CSAD: variants seen among roughly 807,000 people sequenced by gnomAD.
CSAD encodes the protein P-selectin cytoplasmic tail-associated protein.
CSAD carries 47 observed loss-of-function variants against 61.5 expected under a neutral mutation model. That is an observed-to-expected ratio of 0.76 (90% CI 0.60 to 0.97). The LOEUF is 0.97. CSAD is among the 50% of genes least tolerant of loss of function. CSAD has a pLI of 0.00. For synonymous variants in CSAD, 245 were observed against 252.7 expected (o/e 0.97, Z 0.29); for missense variants, 611 against 643.6 (o/e 0.95, Z 0.55).
At chr12:53,173,837 C>A (rs1180639459) in intron 2 of CSAD, 67 bp from the exon 3 acceptor site, 2 of 1,500,642 alleles carry the variant, frequency 1.3e-6, no homozygotes, top group East Asian at 4.7e-5. Flanking sequence ...GTGTTTTTTT[C>A]ATAAATTCAC....
At chr12:53,180,556 C>T in intron 1 of CSAD, 176 bp downstream of exon 1, 1 of 1,281,202 alleles carries the variant, frequency 7.8e-7, no homozygotes, top group African/African-American at 1.6e-5. Flanking sequence ...CGCACGGCGC[C>T]GCCCACTCAC....
rs1469079828 is a variant in CSAD, at chr12:53,173,490, G to A, written c.-6-14C>T. 12 of 1,614,164 alleles carry A rather than the reference G, an allele frequency of 7.4e-6. 1 individual carries two copies. In the South Asian group the frequency reaches 1.2e-4, roughly 16 times the overall value. ...AGCCATCAGGATCTGTGGCAGAGCAGAGTCATTCCCTACTCAGCCTGTCAA... is the reference window on the plus strand; with the variant it reads ...AGCCATCAGGATCTGTGGCAGAGCAAAGTCATTCCCTACTCAGCCTGTCAA... On this transcript the variant is annotated splice_polypyrimidine_tract_variant and intron_variant, in intron 3 of 16. Coordinates refer to ENST00000444623, the MANE Select transcript of CSAD (RefSeq NM_001244705.2).
intron 1 of CSAD, chr12:53,180,255 G>T (rs1237997989): frequency 2.0e-6 from 2 of 985,280 alleles, no homozygotes; most frequent in African/African-American, 3.5e-5. Context: ...AAAAAATTCG[G>T]AGAAGAACCA....
intron 9 of CSAD, 93 bp downstream of exon 9, chr12:53,170,330 C>T (rs531191037): frequency 7.0e-5 from 83 of 1,185,084 alleles, no homozygotes; most frequent in Non-Finnish European, 1.0e-4. Flanking sequence ...AGAGGTCCAC[C>T]AGCGGTAAGG....
At chr12:53,176,512 G>A (rs1941118563) in intron 2 of CSAD, among the ~76,000 whole-genome samples, 1 of 151,968 alleles carries the variant, frequency 6.6e-6, no homozygotes, top group East Asian at 1.9e-4. Context: ...GAGGTCAGGA[G>A]ATCGAGACCA....
chr12:53,160,247 G>A lies in CSAD; in HGVS notation c.1039C>T (p.Leu347=), dbSNP rs768969308. 6.2e-7 allele frequency: 1 copy of A among 1,614,242 alleles called. No homozygotes were observed. Among genetic ancestry groups the A allele is most frequent in the Non-Finnish European group, 8.5e-7 (1 of 1,180,038 alleles). ...FQQDKFYDVA[L]DTGDKVVQCG... ...TGCACCACCTTGTCTCCCGTGTCCAGAGCCACATCGTAGAACTTGTCCTGC... is the reference window on the plus strand; with the variant it reads ...TGCACCACCTTGTCTCCCGTGTCCAAAGCCACATCGTAGAACTTGTCCTGC... The change falls in exon 14 of 17, where the codon CTG becomes TTG. Residue 347 remains leucine (L), a synonymous_variant. Coordinates refer to ENST00000444623, the MANE Select transcript of CSAD (RefSeq NM_001244705.2).
At chr12:53,178,561 G>A (rs939346539) in intron 2 of CSAD, among the ~76,000 whole-genome samples, 1 of 152,128 alleles carries the variant, frequency 6.6e-6, no homozygotes, top group African/African-American at 2.4e-5. Flanking sequence ...GGAGGCCAAG[G>A]TGGGTAGATG....
intron 1 of CSAD, chr12:53,179,943 A>C: frequency 1.3e-6 from 2 of 1,579,162 alleles, no homozygotes; most frequent in South Asian, 1.1e-5. Flanking sequence ...CAGGACTCCC[A>C]TAAGACTAGT....
At chr12:53,172,166 G>C (rs1592346284) in intron 6 of CSAD, among the ~76,000 whole-genome samples, 178 bp from the exon 7 acceptor site, 2 of 152,158 alleles carry the variant, frequency 1.3e-5, no homozygotes, top group South Asian at 4.1e-4. Flanking sequence ...CAGGGGTCAG[G>C]AGGCCTGAGA....
chr12:53,164,839 C>A (rs1939703706), intron 10 of CSAD: 2 of 152,174 alleles, frequency 1.3e-5, no homozygotes, highest in East Asian at 1.9e-4. Flanking sequence ...TCTTACAACT[C>A]AGTAATAAAA....
chr12:53,172,319 A>C (rs750832118), intron 6 of CSAD, 27 bp downstream of exon 6: 22 of 1,597,548 alleles, frequency 1.4e-5, no homozygotes, highest in Non-Finnish European at 1.9e-5. Flanking sequence ...CCTTTGTGGG[A>C]TGGTAGAGGG....
At chr12:53,170,233 G>C in intron 9 of CSAD, 107 bp from the exon 10 acceptor site, 1 of 1,123,594 alleles carries the variant, frequency 8.9e-7, no homozygotes, top group East Asian at 2.4e-5. Context: ...TTCCCTCAGG[G>C]GGTGAAACAG....
At chr12:53,175,791 C>A (rs1312316314) in intron 2 of CSAD, among the ~76,000 whole-genome samples, 1 of 152,180 alleles carries the variant, frequency 6.6e-6, no homozygotes, top group Non-Finnish European at 1.5e-5. Flanking sequence ...AATAGATTTG[C>A]AAAGGGTGTT....
At position 53,158,425 on chromosome 12, in the gene CSAD, T is replaced by C. The variant is rs925170381; in HGVS notation, c.*86A>G. The C allele has an allele frequency of 8.4e-6, 12 of 1,425,066 alleles. No homozygotes were observed. Among genetic ancestry groups the C allele is most frequent in the African/African-American group, 7.1e-5 (5 of 70,124 alleles). The allele number at this position is 1,425,066 out of a possible 1,614,324, so 88.3% of individuals were successfully genotyped here. ...TGCTGGGATTACAGGCGTGAGCCAC[T>C]GCACCCGGCCTCAAAGGCTGGGAGG... On this transcript the variant is annotated 3_prime_UTR_variant, in exon 17 of 17. Coordinates refer to ENST00000444623, the MANE Select transcript of CSAD (RefSeq NM_001244705.2).
intron 10 of CSAD, among the ~76,000 whole-genome samples, chr12:53,162,505 T>C (rs1195418766): frequency 2.6e-5 from 4 of 152,030 alleles, no homozygotes; most frequent in Non-Finnish European, 5.9e-5. Flanking sequence ...GCAGCAGAGG[T>C]TGCAGTGAGC....
At position 53,158,423 on chromosome 12, in the gene CSAD, A is replaced by G. The variant is rs567994264; in HGVS notation, c.*88T>C. 6.3e-5 allele frequency: 89 copies of G among 1,408,122 alleles called. No homozygotes were observed. The African/African-American group carries it at 1.1e-3, about 17-fold the overall frequency. 87.2% of individuals were successfully genotyped at this position (1,408,122 alleles called of 1,614,324 possible). ...AGTGCTGGGATTACAGGCGTGAGCC[A>G]CTGCACCCGGCCTCAAAGGCTGGGA... On this transcript the variant is annotated 3_prime_UTR_variant, in exon 17 of 17. Coordinates refer to ENST00000444623, the MANE Select transcript of CSAD (RefSeq NM_001244705.2).
intron 2 of CSAD, among the ~76,000 whole-genome samples, chr12:53,176,342 A>G (rs1941103193): frequency 6.6e-6 from 1 of 151,354 alleles, no homozygotes. Flanking sequence ...CCCGGGAGGC[A>G]GAGGTTGCAG....
At chr12:53,165,843 G>A (rs1311088891) in intron 10 of CSAD, among the ~76,000 whole-genome samples, 1 of 152,096 alleles carries the variant, frequency 6.6e-6, no homozygotes, top group Non-Finnish European at 1.5e-5. Context: ...CCACTTCTGA[G>A]TATACACCCA....
At position 53,180,185 on chromosome 12, in the gene CSAD, C is replaced by A. The variant is rs78465607; in HGVS notation, c.-91+547G>T. 196 of 985,324 alleles carry A rather than the reference C, an allele frequency of 2.0e-4. No homozygotes were observed. The African/African-American group carries it at 3.2e-3, about 16-fold the overall frequency. 61.0% of individuals were successfully genotyped at this position (985,324 alleles called of 1,614,324 possible). A position where few individuals can be genotyped will look rare whatever the true frequency, so the allele number is the denominator to read the frequency against. ...GTTGAGCGCACAAAGCAAGAGTGTG[C>A]GAAGAAAAGTTAACGCCTCTCCCAG... On this transcript the variant is annotated intron_variant, in intron 1 of 16. Coordinates refer to ENST00000444623, the MANE Select transcript of CSAD (RefSeq NM_001244705.2).
Sources: allele counts gnomAD v4.1 joint callset (sites outside exome capture counted in the v4.1 genomes callset), GRCh38; gene constraint gnomAD v4.1.1; transcripts MANE v1.5; gene names NCBI Gene and HGNC (gene_info 2026-07-23, HGNC 2026-07-21).